The following FABP12 variants were observed in gnomAD, a reference collection of about 807,000 sequenced individuals.
FABP12 encodes the protein fatty acid-binding protein 12.
Under a neutral mutation model 13.7 loss-of-function variants are expected in FABP12, and 19 were observed. The ratio of observed to expected loss-of-function variants is 1.39; its 90% confidence interval spans 0.97 to 2.04. FABP12 has a LOEUF of 2.04. Ranked by LOEUF, FABP12 falls within the 30% of genes most tolerant of loss-of-function variation. FABP12 has a pLI of 0.00. For synonymous variants in FABP12, 61 were observed against 57.0 expected, an observed-to-expected ratio of 1.07 and a Z score of -0.32; for missense variants, 182 against 164.2, an observed-to-expected ratio of 1.11 and a Z score of -0.59.
intron 1 of FABP12, among the ~76,000 whole-genome samples, chr8:81,569,142 T>C (rs1052711661): frequency 1.3e-5 from 2 of 152,144 alleles, no homozygotes; most frequent in African/African-American, 4.8e-5. Context: ...AAAATAAATG[T>C]TTTGGGTGAT....
At chr8:81,583,012 A>C (rs1810189603) in intron 1 of FABP12, among the ~76,000 whole-genome samples, 1 of 152,192 alleles carries the variant, frequency 6.6e-6, no homozygotes, top group Non-Finnish European at 1.5e-5. Flanking sequence ...ACCTTCTCAG[A>C]CCACAATGGA....
chr8:81,532,355 G>A (rs1809095428), intron 1 of FABP12, among the ~76,000 whole-genome samples: 1 of 152,156 alleles, frequency 6.6e-6, no homozygotes, highest in Admixed American at 6.5e-5. Flanking sequence ...TGGGGACATG[G>A]CATTTTATAA....
At chr8:81,525,515 CA>C (rs201121273) in intron 4 of FABP12, among the ~76,000 whole-genome samples, 1,989 of 95,490 alleles carry the variant, frequency 0.021, 23 homozygotes, top group East Asian at 0.097. Flanking sequence ...GACTCCGTCT[CA>C]AAAAAAAAAA....
intron 1 of FABP12, among the ~76,000 whole-genome samples, chr8:81,580,495 ACCTT>A (rs140111653): frequency 0.1 from 15,806 of 152,166 alleles, 1,074 homozygotes; most frequent in East Asian, 0.26. Context: ...CCAAGTAACT[ACCTT>A]ATCATTTCTA....
intron 1 of FABP12, among the ~76,000 whole-genome samples, chr8:81,567,932 G>A (rs950254913): frequency 7.2e-5 from 11 of 151,892 alleles, no homozygotes; most frequent in Non-Finnish European, 1.5e-4. Context: ...CCATCCTGGC[G>A]AACAAGGTGA....
chr8:81,528,826 C>T (rs755989837), intron 3 of FABP12, among the ~76,000 whole-genome samples: 3 of 152,136 alleles, frequency 2.0e-5, no homozygotes, highest in Non-Finnish European at 4.4e-5. Flanking sequence ...AAGCCCATGT[C>T]TCTTTATCCT....
chr8:81,527,482 C>A (rs1808936187), intron 3 of FABP12, among the ~76,000 whole-genome samples: 1 of 152,096 alleles, frequency 6.6e-6, no homozygotes, highest in Non-Finnish European at 1.5e-5. Flanking sequence ...CCTGCCTCAG[C>A]CTCCCAAATA....
At chr8:81,540,074 A>G (rs1197710849) in intron 1 of FABP12, among the ~76,000 whole-genome samples, 1 of 152,240 alleles carries the variant, frequency 6.6e-6, no homozygotes. Flanking sequence ...TTCTGACTGA[A>G]GTCTAAGGCT....
In FABP12 at chr8:81,531,481, T is replaced by C. The variant is rs1170501646; in HGVS notation, c.-75-91A>G. ...TCTAATCCTTGCAATGTTCCTTGAG[T>C]ATCATCTAAAGCAGAAAAGCTTTCT... On this transcript the variant is annotated intron_variant, in intron 1 of 4. Transcript: ENST00000360464. 6 of 558,506 alleles carry C rather than the reference T, an allele frequency of 1.1e-5. No homozygotes were observed. In the East Asian group the frequency reaches 1.2e-4, roughly 11 times the overall value. The allele number at this position is 558,506 out of a possible 1,614,324, so 34.6% of individuals were successfully genotyped here.
intron 3 of FABP12, among the ~76,000 whole-genome samples, chr8:81,528,078 T>C (rs2129929570): frequency 6.6e-6 from 1 of 152,230 alleles, no homozygotes. Flanking sequence ...CAGTTTTTTT[T>C]GTTGTTGTTG....
chr8:81,541,214 C>T (rs899780226), intron 1 of FABP12, among the ~76,000 whole-genome samples: 2 of 151,518 alleles, frequency 1.3e-5, no homozygotes, highest in South Asian at 2.1e-4. Flanking sequence ...ACACACAAAG[C>T]GTGTATCACA....
intron 4 of FABP12, 76 bp from the exon 5 acceptor site, chr8:81,525,196 C>A: frequency 1.1e-6 from 1 of 929,580 alleles, no homozygotes; most frequent in Non-Finnish European, 1.7e-6. Flanking sequence ...AAACTAAGTA[C>A]TATCCACACA....
upstream of FABP12, among the ~76,000 whole-genome samples, chr8:81,536,134 T>C (rs771621040): frequency 1.8e-4 from 28 of 152,178 alleles, no homozygotes; most frequent in Non-Finnish European, 3.2e-4. Flanking sequence ...TTCATTCCCA[T>C]TGCTACCAAT....
At chr8:81,559,371 G>A (rs1809677871) in intron 1 of FABP12, among the ~76,000 whole-genome samples, 1 of 152,178 alleles carries the variant, frequency 6.6e-6, no homozygotes. Context: ...TTTAACAGTG[G>A]TGCCTTGGAA....
chr8:81,525,028 T>C, exon 5 of FABP12: 1 of 1,556,832 alleles, frequency 6.4e-7, no homozygotes, highest in South Asian at 1.2e-5. Context: ...GTAGTTTGGA[T>C]GACAGCTTGA....
At chr8:81,558,215 A>G (rs529357927) in intron 1 of FABP12, among the ~76,000 whole-genome samples, 1 of 152,362 alleles carries the variant, frequency 6.6e-6, no homozygotes, top group East Asian at 1.9e-4. Context: ...AAAGCACATC[A>G]GGACACATTC....
At chr8:81,579,472 A>T (rs768460571) in intron 1 of FABP12, among the ~76,000 whole-genome samples, 3 of 152,198 alleles carry the variant, frequency 2.0e-5, no homozygotes, top group Non-Finnish European at 4.4e-5. Context: ...TTTCCCAGCC[A>T]TGTCATAAAT....
At chr8:81,562,310 A>T (rs1809736833) in intron 1 of FABP12, among the ~76,000 whole-genome samples, 1 of 152,084 alleles carries the variant, frequency 6.6e-6, no homozygotes, top group African/African-American at 2.4e-5. Context: ...AGACTCAGAG[A>T]TGTGTTGGCT....
chr8:81,556,743 ATTT>A (rs1809623292), intron 1 of FABP12, among the ~76,000 whole-genome samples: 1 of 147,594 alleles, frequency 6.8e-6, no homozygotes, highest in Non-Finnish European at 1.5e-5. Flanking sequence ...TATAATTATT[ATTT>A]TATTTTAAAT....
Sources: allele counts gnomAD v4.1 joint callset (sites outside exome capture counted in the v4.1 genomes callset), GRCh38; gene constraint gnomAD v4.1.1; transcripts MANE v1.5; gene names NCBI Gene and HGNC (gene_info 2026-07-23, HGNC 2026-07-21).